HS6ST3: variants seen among roughly 807,000 people sequenced by gnomAD.
The protein encoded by HS6ST3 is heparan sulfate 6-O-sulfotransferase 3, also known as heparan-sulfate 6-O-sulfotransferase 3.
In HS6ST3, 12 loss-of-function variants were observed where a neutral mutation model predicts 36.7. That is an observed-to-expected ratio of 0.33 (90% confidence interval 0.21 to 0.53). The LOEUF is 0.53. Among genes scored for constraint, HS6ST3 ranks in the 20% least tolerant of loss-of-function variants. The pLI, the probability that HS6ST3 is intolerant of heterozygous loss-of-function variation, is 0.95. For missense variants in HS6ST3, 584 were observed against 640.9 expected (o/e 0.91, Z 0.96); for synonymous variants, 240 against 257.5 (o/e 0.93, Z 0.65).
intron 1 of HS6ST3, among the ~76,000 whole-genome samples, chr13:96,181,289 G>A (rs2054238729): frequency 6.6e-6 from 1 of 152,010 alleles, no homozygotes; most frequent in South Asian, 2.1e-4. Flanking sequence ...AACTTCAGAG[G>A]CACATTTCCT....
chr13:96,673,932 A>G (rs1389110101), intron 1 of HS6ST3, among the ~76,000 whole-genome samples: 1 of 151,486 alleles, frequency 6.6e-6, no homozygotes, highest in Admixed American at 6.6e-5. Context: ...TCTTTCTTTC[A>G]TTTGAGAAGA....
At chr13:96,733,161 G>A (rs968075357) in intron 1 of HS6ST3, among the ~76,000 whole-genome samples, 2 of 152,076 alleles carry the variant, frequency 1.3e-5, no homozygotes, top group South Asian at 4.1e-4. Context: ...AGAACTTCCA[G>A]TACTATGTTG....
intron 1 of HS6ST3, among the ~76,000 whole-genome samples, chr13:96,540,240 A>T (rs575906935): frequency 6.6e-6 from 1 of 152,244 alleles, no homozygotes; most frequent in Non-Finnish European, 1.5e-5. Flanking sequence ...ATTTCTGCCC[A>T]GTCACTTCCT....
At position 96,586,117 on chromosome 13, in the gene HS6ST3, T is replaced by C. The variant is rs564344482; in HGVS notation, c.708-246373T>C. 1.3e-3 allele frequency among the ~76,000 whole-genome samples: 194 copies of C among 152,356 alleles called. 1 individual carries two copies. Among genetic ancestry groups the C allele is most frequent in the Middle Eastern group, 3.4e-3 (1 of 294 alleles). ...GTCTTTTTGATAACAGTCATTATCT[T>C]GTTAGGACTTTTGCTAGTATTATTA... On this transcript the variant is annotated intron_variant, in intron 1 of 1. Transcript: ENST00000376705.
Position 96,694,530 on chromosome 13 carries a change from A to T in HS6ST3, c.708-137960A>T, listed in dbSNP as rs1300532665. 7.9e-5 allele frequency among the ~76,000 whole-genome samples: 12 copies of T among 152,118 alleles called. 1 individual carries two copies. The South Asian group carries it at 1.5e-3, about 18-fold the overall frequency. ...TTTATATATTTATATAGATAGAATG[A>T]TTTCTATTCCTTTGGGTATATACCC... On this transcript the variant is annotated intron_variant, in intron 1 of 1. Coordinates refer to ENST00000376705, the MANE Select transcript of HS6ST3 (RefSeq NM_153456.4).
At chr13:96,797,475 G>C (rs1468469695) in intron 1 of HS6ST3, among the ~76,000 whole-genome samples, 1 of 152,004 alleles carries the variant, frequency 6.6e-6, no homozygotes, top group Admixed American at 6.6e-5. Flanking sequence ...ACCACTAAAA[G>C]GTGCAATGAG....
At chr13:96,708,411 C>G (rs1306925861) in intron 1 of HS6ST3, among the ~76,000 whole-genome samples, 1 of 152,216 alleles carries the variant, frequency 6.6e-6, no homozygotes, top group Non-Finnish European at 1.5e-5. Context: ...ATACCCCAAT[C>G]TCTTTCTCTG....
At chr13:96,530,689 C>T (rs541302436) in intron 1 of HS6ST3, among the ~76,000 whole-genome samples, 15 of 152,142 alleles carry the variant, frequency 9.9e-5, no homozygotes, top group Admixed American at 5.9e-4. Context: ...ATTCTTTCTA[C>T]TTCTGATACG....
At chr13:96,584,866 C>T (rs1179468449) in intron 1 of HS6ST3, among the ~76,000 whole-genome samples, 1 of 152,162 alleles carries the variant, frequency 6.6e-6, no homozygotes, top group Non-Finnish European at 1.5e-5. Context: ...GAGAGAAACA[C>T]TGGCTGAGCC....
chr13:96,569,516 T>A (rs763894057), intron 1 of HS6ST3, among the ~76,000 whole-genome samples: 2 of 152,118 alleles, frequency 1.3e-5, no homozygotes, highest in Non-Finnish European at 2.9e-5. Context: ...TACTTTCCCA[T>A]GAGGTTAAAC....
chr13:96,162,739 G>A (rs994343769), intron 1 of HS6ST3, among the ~76,000 whole-genome samples: 3 of 152,156 alleles, frequency 2.0e-5, no homozygotes, highest in African/African-American at 7.2e-5. Flanking sequence ...ATTTATCACA[G>A]TTAAGATGAA....
chr13:96,768,751 G>C (rs1435045302), intron 1 of HS6ST3, among the ~76,000 whole-genome samples: 3 of 151,790 alleles, frequency 2.0e-5, no homozygotes, highest in Non-Finnish European at 4.4e-5. Flanking sequence ...CATTTAGATG[G>C]AATCTAAAAG....
At chr13:96,293,413 A>G (rs2054839642) in intron 1 of HS6ST3, among the ~76,000 whole-genome samples, 1 of 152,124 alleles carries the variant, frequency 6.6e-6, no homozygotes, top group Admixed American at 6.6e-5. Flanking sequence ...CATGTTTTCA[A>G]TACAGTCGTC....
intron 1 of HS6ST3, among the ~76,000 whole-genome samples, chr13:96,510,688 G>A (rs3848008): frequency 0.96 from 145,652 of 152,194 alleles, 70,012 homozygotes; most frequent in East Asian, 1. Flanking sequence ...TTCATGTGAC[G>A]CAATCCCTCT....
chr13:96,668,654 T>TA (rs2056672357), intron 1 of HS6ST3, among the ~76,000 whole-genome samples: 1 of 129,926 alleles, frequency 7.7e-6, no homozygotes, highest in African/African-American at 2.9e-5. Flanking sequence ...AAGAGGAAGA[T>TA]AAGAGAGGGA....
intron 1 of HS6ST3, among the ~76,000 whole-genome samples, chr13:96,779,578 C>T (rs1012673878): frequency 1.9e-4 from 29 of 151,856 alleles, no homozygotes; most frequent in Admixed American, 7.2e-4. Context: ...GCAGGACATA[C>T]GTGCCAAGAT....
At chr13:96,204,437 A>G (rs1306127792) in intron 1 of HS6ST3, among the ~76,000 whole-genome samples, 1 of 152,170 alleles carries the variant, frequency 6.6e-6, no homozygotes, top group East Asian at 1.9e-4. Flanking sequence ...AATATTAGAC[A>G]GATCATTGAG....
chr13:96,201,961 A>C lies in HS6ST3; in HGVS notation c.707+110392A>C, dbSNP rs114776244. Among the ~76,000 whole-genome samples, 880 of 152,300 alleles carry C rather than the reference A, an allele frequency of 5.8e-3. 11 individuals are homozygous for C. Among genetic ancestry groups the C allele is most frequent in the African/African-American group, 0.02 (847 of 41,566 alleles). ...AGGAACTGGGCCCTTAAAATTAAGA[A>C]TTTGCATATCGTGAAATAAAATGAA... On this transcript the variant is annotated intron_variant, in intron 1 of 1. Coordinates refer to ENST00000376705, the MANE Select transcript of HS6ST3 (RefSeq NM_153456.4).
intron 1 of HS6ST3, among the ~76,000 whole-genome samples, chr13:96,098,756 CA>C (rs1284652841): frequency 6.6e-6 from 1 of 152,192 alleles, no homozygotes; most frequent in Non-Finnish European, 1.5e-5. Flanking sequence ...TGGGTTAAGT[CA>C]ATTATCTGCT....
Sources: allele counts gnomAD v4.1 joint callset (sites outside exome capture counted in the v4.1 genomes callset), GRCh38; gene constraint gnomAD v4.1.1; transcripts MANE v1.5; gene names NCBI Gene and HGNC (gene_info 2026-07-23, HGNC 2026-07-21).